P3H2: variants seen among roughly 807,000 people sequenced by gnomAD.
P3H2 encodes leprecan-like 1.
P3H2 carries 80 observed loss-of-function variants against 87.0 expected under a neutral mutation model. The observed-to-expected ratio is 0.92, with a 90% CI of 0.77 to 1.11. The LOEUF is 1.11. Among genes scored for constraint, P3H2 ranks in the 50% least tolerant of loss-of-function variants. The probability of loss-of-function intolerance (pLI) is 0.00; values close to 1 mark genes in which losing one functional copy is unlikely to be tolerated. For missense variants in P3H2, 1,001 were observed against 923.9 expected (o/e 1.08, Z -1.08); for synonymous variants, 367 against 359.3 (o/e 1.02, Z -0.24).
chr3:189,992,502 T>G (rs1371687964), intron 3 of P3H2, among the ~76,000 whole-genome samples: 1 of 152,194 alleles, frequency 6.6e-6, no homozygotes, highest in Non-Finnish European at 1.5e-5. Flanking sequence ...TTGCTTTTCA[T>G]ATATGGGTAA....
intron 1 of P3H2, among the ~76,000 whole-genome samples, chr3:190,111,284 G>A (rs939660029): frequency 5.8e-5 from 8 of 138,230 alleles, no homozygotes; most frequent in Non-Finnish European, 9.2e-5. Flanking sequence ...TTTTAACTTC[G>A]TTAAGCTTGT....
chr3:190,064,920 A>T (rs1726449413), intron 1 of P3H2, among the ~76,000 whole-genome samples: 1 of 152,138 alleles, frequency 6.6e-6, no homozygotes, highest in Non-Finnish European at 1.5e-5. Flanking sequence ...AGGTGCAAAC[A>T]GTAGACTGCA....
intron 8 of P3H2, among the ~76,000 whole-genome samples, chr3:189,975,044 T>C (rs1051844964): frequency 6.6e-6 from 1 of 152,234 alleles, no homozygotes; most frequent in Non-Finnish European, 1.5e-5. Flanking sequence ...TTCATACCTC[T>C]GTCGCAACAC....
intron 1 of P3H2, among the ~76,000 whole-genome samples, chr3:190,080,580 T>G (rs1727011125): frequency 6.6e-6 from 1 of 152,056 alleles, no homozygotes; most frequent in Non-Finnish European, 1.5e-5. Flanking sequence ...TTTTGTATTT[T>G]TAGTAAAGAC....
intron 1 of P3H2, among the ~76,000 whole-genome samples, chr3:190,046,122 CAAAAAA>C (rs62695060): frequency 1.7e-5 from 2 of 118,036 alleles, no homozygotes; most frequent in African/African-American, 3.2e-5. Context: ...GACTCCATCT[CAAAAAA>C]AAAAAAAAAA....
At chr3:190,056,005 G>A (rs1031365395) in intron 1 of P3H2, among the ~76,000 whole-genome samples, 9 of 152,118 alleles carry the variant, frequency 5.9e-5, no homozygotes, top group East Asian at 1.9e-4. Flanking sequence ...AGTACTTCAC[G>A]TTAAATGAGG....
Position 189,988,923 on chromosome 3 carries a change from C to T in P3H2, c.939G>A (p.Gln313=). The T allele has an allele frequency of 6.2e-7, 1 of 1,614,062 alleles. No individual in the cohort carries two copies. Among genetic ancestry groups the T allele is most frequent in the Non-Finnish European group, 8.5e-7 (1 of 1,180,010 alleles). The change falls in exon 4 of 15, where the codon CAG becomes CAA. Residue 313 remains glutamine, a synonymous_variant. Coordinates refer to ENST00000319332, the MANE Select transcript of P3H2 (RefSeq NM_018192.4). ...ACGCTTTACCTCGATAGTAGGCAAACTGTAGGTAATCATAGTGCAGAGGAA... is the reference window on the plus strand; with the variant it reads ...ACGCTTTACCTCGATAGTAGGCAAATTGTAGGTAATCATAGTGCAGAGGAA... ...NFLPLHYDYL[Q]FAYYRVGEYV... is the part of the protein sequence containing the mutation.
chr3:189,995,438 T>C lies in P3H2; in HGVS notation c.485A>G (p.Asn162Ser). Residue 162 changes from asparagine to serine, a missense_variant, in exon 2 of 15, where the codon AAC becomes AGC. Physicochemically the swap from Asn to Ser is conservative, Grantham distance 46 (BLOSUM62 1). Coordinates refer to ENST00000319332, the MANE Select transcript of P3H2 (RefSeq NM_018192.4). Reference sequence around the variant, plus strand: ...TGCTTCCACTGCTTTTTCGAGCTGGTTAAGCTAAAGAGAAAAAAAAATGAC... The same window carrying C: ...TGCTTCCACTGCTTTTTCGAGCTGGCTAAGCTAAAGAGAAAAAAAAATGAC... Reference protein sequence around the residue: ...NYLQRAYIKLNQLEKAVEAAH... With the variant: ...NYLQRAYIKLSQLEKAVEAAH... 1 of 1,613,460 alleles carries C rather than the reference T, an allele frequency of 6.2e-7. No individual in the cohort carries two copies. Among genetic ancestry groups the C allele is most frequent in the South Asian group, 1.1e-5 (1 of 91,074 alleles).
intron 1 of P3H2, among the ~76,000 whole-genome samples, chr3:190,112,757 A>C (rs535295375): frequency 7.5e-4 from 114 of 151,228 alleles, no homozygotes; most frequent in Non-Finnish European, 1.4e-3. Flanking sequence ...CACATACAAC[A>C]CTAGGAACGC....
intron 1 of P3H2, among the ~76,000 whole-genome samples, chr3:190,081,459 A>C (rs1727041390): frequency 6.6e-6 from 1 of 152,246 alleles, no homozygotes; most frequent in Non-Finnish European, 1.5e-5. Context: ...TACAATAATA[A>C]AATGAATATA....
intron 1 of P3H2, among the ~76,000 whole-genome samples, chr3:190,002,165 A>AAT (rs1000568826): frequency 2.9e-4 from 44 of 152,158 alleles, no homozygotes; most frequent in Admixed American, 4.6e-4. Context: ...TGATGATGTT[A>AAT]ATACATTAAT....
intron 1 of P3H2, among the ~76,000 whole-genome samples, chr3:190,045,990 G>A (rs948177370): frequency 1.7e-4 from 26 of 152,230 alleles, no homozygotes; most frequent in African/African-American, 5.8e-4. Context: ...AGCCGTGGTG[G>A]CGGGCGCCTG....
intron 8 of P3H2, among the ~76,000 whole-genome samples, chr3:189,975,417 CT>C (rs34014437): frequency 2.6e-5 from 4 of 152,246 alleles, no homozygotes; most frequent in African/African-American, 9.6e-5. Context: ...CTGACAAAGA[CT>C]TTTTTTCATA....
At chr3:190,029,539 A>G (rs940733018) in intron 1 of P3H2, among the ~76,000 whole-genome samples, 2 of 152,070 alleles carry the variant, frequency 1.3e-5, no homozygotes, top group African/African-American at 4.8e-5. Context: ...TGACCAATGC[A>G]CTTGATATAA....
intron 8 of P3H2, among the ~76,000 whole-genome samples, chr3:189,975,418 T>C (rs1723320201): frequency 6.6e-6 from 1 of 152,172 alleles, no homozygotes; most frequent in Non-Finnish European, 1.5e-5. Context: ...TGACAAAGAC[T>C]TTTTTTCATA....
chr3:190,039,807 G>A (rs1053611649), intron 1 of P3H2, among the ~76,000 whole-genome samples: 2 of 152,216 alleles, frequency 1.3e-5, no homozygotes. Flanking sequence ...TCAGTAAGGG[G>A]AGAAAATGAG....
At chr3:189,960,804 T>TC (rs1266045643) in intron 14 of P3H2, among the ~76,000 whole-genome samples, 1 of 152,304 alleles carries the variant, frequency 6.6e-6, no homozygotes, top group East Asian at 1.9e-4. Context: ...AAAGCCCCTT[T>TC]CATGCAAGAG....
At chr3:189,959,623 T>C (rs1437070810) in intron 14 of P3H2, among the ~76,000 whole-genome samples, 1 of 152,158 alleles carries the variant, frequency 6.6e-6, no homozygotes, top group African/African-American at 2.4e-5. Flanking sequence ...TGTAACACTT[T>C]CAAAAGAATT....
At chr3:190,072,228 T>TGTTG (rs1726725523) in intron 1 of P3H2, among the ~76,000 whole-genome samples, 1 of 152,158 alleles carries the variant, frequency 6.6e-6, no homozygotes, top group Non-Finnish European at 1.5e-5. Context: ...GGTTTGACCA[T>TGTTG]GTTGGCCAGG....
Sources: allele counts gnomAD v4.1 joint callset (sites outside exome capture counted in the v4.1 genomes callset), GRCh38; gene constraint gnomAD v4.1.1; transcripts MANE v1.5; gene names NCBI Gene and HGNC (gene_info 2026-07-23, HGNC 2026-07-21).